GRAP2: variants seen among roughly 807,000 people sequenced by gnomAD.
GRAP2 encodes GRB2-related adapter protein 2.
Under a neutral mutation model 43.5 loss-of-function variants are expected in GRAP2, and 31 were observed. The ratio of observed to expected loss-of-function variants is 0.71; its 90% CI spans 0.54 to 0.96. GRAP2 has a LOEUF of 0.96. GRAP2 is among the 40% of genes least tolerant of loss of function. The pLI, the probability that GRAP2 is intolerant of heterozygous loss-of-function variation, is 0.00. For missense variants in GRAP2, 371 were observed against 424.4 expected (o/e 0.87, Z 1.11); for synonymous variants, 156 against 164.8 (o/e 0.95, Z 0.41).
intron 4 of GRAP2, chr22:39,960,588 TTTC>T (rs1235722755): frequency 7.2e-5 from 12 of 166,904 alleles, no homozygotes; most frequent in Admixed American, 5.1e-4. Context: ...ATCTTAACCT[TTTC>T]TTTTATGATT....
At chr22:39,963,201 T>C (rs1308811109) in intron 4 of GRAP2, among the ~76,000 whole-genome samples, 1 of 152,234 alleles carries the variant, frequency 6.6e-6, no homozygotes, top group Admixed American at 6.5e-5. Flanking sequence ...GAGCTAATTG[T>C]AGTTCTATCA....
In GRAP2 at chr22:39,971,158, C is replaced by T; in HGVS notation, c.*74C>T. ...AGGGCAAGGAAAAAAGGCTGGACTC[C>T]ATGACTATATATACATACATCTATC... is the stretch of plus-strand genomic sequence containing the variant. On this transcript the variant is annotated 3_prime_UTR_variant, in exon 8 of 8. Transcript: ENST00000344138. 1 of 1,138,266 alleles carries T rather than the reference C, an allele frequency of 8.8e-7. No homozygotes were observed. Among genetic ancestry groups the T allele is most frequent in the Non-Finnish European group, 1.3e-6 (1 of 771,534 alleles). 70.5% of individuals were successfully genotyped at this position (1,138,266 alleles called of 1,614,324 possible). A position where few individuals can be genotyped will look rare whatever the true frequency, so the allele number is the denominator to read the frequency against.
chr22:39,959,631 C>T (rs150105095), intron 3 of GRAP2, among the ~76,000 whole-genome samples: 11 of 152,280 alleles, frequency 7.2e-5, no homozygotes, highest in East Asian at 5.8e-4. Flanking sequence ...CCTGCTCAGC[C>T]GGCTGCACCT....
chr22:39,894,609 C>G, the GRAP2 span, among the ~76,000 whole-genome samples: 1 of 152,190 alleles, frequency 6.6e-6, no homozygotes, highest in African/African-American at 2.4e-5. Flanking sequence ...TAATAGTAGT[C>G]TATGAAGAGC....
At chr22:39,921,071 A>G (rs2066647229) in intron 1 of GRAP2, among the ~76,000 whole-genome samples, 1 of 152,092 alleles carries the variant, frequency 6.6e-6, no homozygotes, top group South Asian at 2.1e-4. Flanking sequence ...TCTTGTTTAA[A>G]TTTAAGCTAG....
At chr22:39,970,738 T>G (rs1049391255) in intron 7 of GRAP2, among the ~76,000 whole-genome samples, 167 bp from the exon 8 acceptor site, 17 of 152,088 alleles carry the variant, frequency 1.1e-4, no homozygotes, top group African/African-American at 4.1e-4. Flanking sequence ...CTGAGCAACA[T>G]AGCAAGACCC....
intron 4 of GRAP2, 30 bp from the exon 5 acceptor site, chr22:39,965,960 C>T (rs1187235356): frequency 1.3e-6 from 2 of 1,592,588 alleles, no homozygotes; most frequent in African/African-American, 1.3e-5. Context: ...CACCGTGTAA[C>T]ATACAATTTT....
chr22:39,972,085 C>T lies in GRAP2; in HGVS notation c.*1001C>T, dbSNP rs1246621429. 2 of 152,278 alleles carry T rather than the reference C, an allele frequency of 1.3e-5. No individual in the cohort carries two copies. Among genetic ancestry groups the T allele is most frequent in the Non-Finnish European group, 2.9e-5 (2 of 68,060 alleles). 9.4% of individuals were successfully genotyped at this position (152,278 alleles called of 1,614,324 possible). On this transcript the variant is annotated 3_prime_UTR_variant, in exon 8 of 8. Coordinates refer to ENST00000344138, the MANE Select transcript of GRAP2 (RefSeq NM_004810.4). ...GACTAAACATGACCCCAGGTGGAAGCTGGCTTTGACACCAGCTTCCTGTTC... is the reference window on the plus strand; with the variant it reads ...GACTAAACATGACCCCAGGTGGAAGTTGGCTTTGACACCAGCTTCCTGTTC...
chr22:39,944,520 A>G (rs921593508), intron 1 of GRAP2, among the ~76,000 whole-genome samples: 4 of 152,228 alleles, frequency 2.6e-5, no homozygotes, highest in African/African-American at 9.6e-5. Context: ...GCGATTTTAT[A>G]AAGAGTGGGC....
At chr22:39,913,208 AAAAG>A (rs2066579862) in intron 1 of GRAP2, among the ~76,000 whole-genome samples, 1 of 150,930 alleles carries the variant, frequency 6.6e-6, no homozygotes, top group African/African-American at 2.4e-5. Context: ...AAAAAAAAAA[AAAAG>A]AGGACAGGGC....
At chr22:39,923,268 TTCTGCTGAA>T (rs1287276223) in intron 1 of GRAP2, among the ~76,000 whole-genome samples, 3 of 152,196 alleles carry the variant, frequency 2.0e-5, no homozygotes, top group African/African-American at 7.2e-5. Context: ...GAGACATCTG[TTCTGCTGAA>T]GGTCAGTAGG....
At position 39,948,843 on chromosome 22, in the gene GRAP2, C is replaced by T. The variant is rs553991284; in HGVS notation, c.78+1659C>T. 3.3e-5 allele frequency among the ~76,000 whole-genome samples: 5 copies of T among 152,276 alleles called. No homozygotes were observed. In the South Asian group the frequency reaches 1.0e-3, roughly 32 times the overall value. On this transcript the variant is annotated intron_variant, in intron 2 of 7. Coordinates refer to ENST00000344138, the MANE Select transcript of GRAP2 (RefSeq NM_004810.4). ...AGCACCACCCTCTCCGGGTTCTTCTCCTCCCTTCCTGACCACTCCTACAGG... is the reference window on the plus strand; with the variant it reads ...AGCACCACCCTCTCCGGGTTCTTCTTCTCCCTTCCTGACCACTCCTACAGG...
intron 1 of GRAP2, among the ~76,000 whole-genome samples, chr22:39,910,024 C>T (rs577422707): frequency 2.4e-4 from 37 of 152,350 alleles, no homozygotes; most frequent in African/African-American, 8.7e-4. Context: ...TGCTCTTCCC[C>T]TGCTTCCAAT....
chr22:39,912,292 T>C (rs996718539), intron 1 of GRAP2, among the ~76,000 whole-genome samples: 3 of 152,158 alleles, frequency 2.0e-5, no homozygotes, highest in Non-Finnish European at 4.4e-5. Flanking sequence ...TGGTGATGCA[T>C]GCCTGTAGTC....
chr22:39,902,383 CTT>C (rs2066498925), intron 1 of GRAP2, among the ~76,000 whole-genome samples: 1 of 152,152 alleles, frequency 6.6e-6, no homozygotes. Context: ...TTATGTAAAA[CTT>C]TATAGAATAA....
chr22:39,917,561 A>G (rs1040951492), intron 1 of GRAP2, among the ~76,000 whole-genome samples: 6 of 152,302 alleles, frequency 3.9e-5, no homozygotes, highest in Admixed American at 3.9e-4. Flanking sequence ...AAGATATGCT[A>G]ATTTTTTTCT....
At chr22:39,925,394 C>T (rs2066688496) in intron 1 of GRAP2, among the ~76,000 whole-genome samples, 1 of 152,132 alleles carries the variant, frequency 6.6e-6, no homozygotes. Flanking sequence ...ATATTGTGAT[C>T]CTGTGTGCTG....
At chr22:39,908,518 CCTT>C (rs1236018504) in intron 1 of GRAP2, among the ~76,000 whole-genome samples, 1 of 152,096 alleles carries the variant, frequency 6.6e-6, no homozygotes, top group East Asian at 1.9e-4. Context: ...AGATCCTTAT[CCTT>C]CTAAAGAGGT....
intron 2 of GRAP2, among the ~76,000 whole-genome samples, chr22:39,949,092 A>G (rs899631825): frequency 2.0e-5 from 3 of 151,990 alleles, no homozygotes; most frequent in Non-Finnish European, 4.4e-5. Flanking sequence ...TGTCTGCTGG[A>G]TGTCCCCACA....
Sources: allele counts gnomAD v4.1 joint callset (sites outside exome capture counted in the v4.1 genomes callset), GRCh38; gene constraint gnomAD v4.1.1; transcripts MANE v1.5; gene names NCBI Gene and HGNC (gene_info 2026-07-23, HGNC 2026-07-21).